Variants in KCNK9 observed in about 807,000 individuals in gnomAD.
The protein encoded by KCNK9 is potassium channel subfamily K member 9.
KCNK9 carries 1 observed loss-of-function variant against 10.8 expected under a neutral mutation model. The ratio of observed to expected loss-of-function variants is 0.09; its 90% confidence interval spans 0.03 to 0.44. The LOEUF (loss-of-function observed/expected upper bound fraction) is 0.44, where lower values mean the gene tolerates loss of function less well. KCNK9 is among the 20% of genes least tolerant of loss of function. The pLI is 0.97. For synonymous variants in KCNK9, 231 were observed against 222.7 expected (o/e 1.04, Z -0.33); for missense variants, 303 against 515.0 (o/e 0.59, Z 3.98).
intron 1 of KCNK9, among the ~76,000 whole-genome samples, chr8:139,672,259 G>A (rs1244896612): frequency 6.6e-6 from 1 of 152,138 alleles, no homozygotes; most frequent in African/African-American, 2.4e-5. Context: ...GCAGGAGCAG[G>A]ACCAGGGGAG....
chr8:139,649,564 T>C (rs563923264), intron 1 of KCNK9, among the ~76,000 whole-genome samples: 2 of 152,228 alleles, frequency 1.3e-5, no homozygotes, highest in East Asian at 1.9e-4. Context: ...ATGCGGTCTT[T>C]CCATGCCCGG....
intron 1 of KCNK9, among the ~76,000 whole-genome samples, chr8:139,660,453 T>A (rs1338900610): frequency 1.2e-4 from 12 of 101,112 alleles, no homozygotes; most frequent in African/African-American, 6.7e-4. Flanking sequence ...AAAAAAAATA[T>A]ATATATATAT....
At chr8:139,682,763 A>G (rs1816717569) in intron 1 of KCNK9, among the ~76,000 whole-genome samples, 2 of 152,208 alleles carry the variant, frequency 1.3e-5, no homozygotes, top group East Asian at 1.9e-4. Context: ...TCAGAAATGC[A>G]TGCAGCTTGG....
intron 1 of KCNK9, among the ~76,000 whole-genome samples, chr8:139,631,067 G>A (rs1815156922): frequency 6.6e-6 from 1 of 152,214 alleles, no homozygotes; most frequent in Admixed American, 6.5e-5. Flanking sequence ...GCACTCGGGC[G>A]ACTGCAGGGA....
At chr8:139,660,447 A>ATATATATATAT (rs34791987) in intron 1 of KCNK9, among the ~76,000 whole-genome samples, 21 of 128,960 alleles carry the variant, frequency 1.6e-4, no homozygotes, top group African/African-American at 4.4e-4. Context: ...CTGCTAAAAA[A>ATATATATATAT]AAATATATAT....
At chr8:139,680,253 G>C (rs1337367545) in intron 1 of KCNK9, among the ~76,000 whole-genome samples, 2 of 152,230 alleles carry the variant, frequency 1.3e-5, no homozygotes, top group African/African-American at 2.4e-5. Context: ...GGGTCTTCTG[G>C]GGGTGGCAGA....
intron 1 of KCNK9, among the ~76,000 whole-genome samples, chr8:139,629,146 T>C (rs1815082138): frequency 6.6e-6 from 1 of 152,274 alleles, no homozygotes; most frequent in Non-Finnish European, 1.5e-5. Flanking sequence ...ATTGGAAGGC[T>C]GAGCCTCGAT....
rs1369540860 is a variant in KCNK9, at chr8:139,618,011, G to GGA, written c.*245_*246dup. ...GGCATAGTCTGCTGGGAAGGAAGGA[G>GGA]GAGATCCATGCTTCATGCTCAGATG... is the stretch of plus-strand genomic sequence containing the variant. On this transcript the variant is annotated 3_prime_UTR_variant, in exon 2 of 2. Coordinates refer to ENST00000520439, the MANE Select transcript of KCNK9 (RefSeq NM_001282534.2). This position sits in a 1 kb window ranked among gnomAD's most constrained non-coding sequence, Gnocchi z 7.9. The GGA allele has an allele frequency of 1.9e-6, 1 of 522,768 alleles. No homozygotes were observed. Among genetic ancestry groups the GGA allele is most frequent in the African/African-American group, 1.9e-5 (1 of 52,266 alleles). 32.4% of individuals were successfully genotyped at this position (522,768 alleles called of 1,614,324 possible). A position where few individuals can be genotyped will look rare whatever the true frequency, so the allele number is the denominator to read the frequency against.
At chr8:139,689,590 C>A (rs1001532982) in intron 1 of KCNK9, among the ~76,000 whole-genome samples, 6 of 151,556 alleles carry the variant, frequency 4.0e-5, no homozygotes, top group Admixed American at 1.3e-4. Flanking sequence ...ATGGCAGTGT[C>A]ATGGCAAAAG....
chr8:139,642,244 G>A (rs981877536), intron 1 of KCNK9, among the ~76,000 whole-genome samples: 10 of 152,124 alleles, frequency 6.6e-5, no homozygotes, highest in South Asian at 2.1e-4. Flanking sequence ...CAGCCTGTGC[G>A]AATGTAGTGG....
chr8:139,676,432 G>C (rs1248148320), intron 1 of KCNK9, among the ~76,000 whole-genome samples: 4 of 152,198 alleles, frequency 2.6e-5, no homozygotes, highest in African/African-American at 9.6e-5. Flanking sequence ...GCTGGGGCTG[G>C]TACAGTGCAG....
At chr8:139,697,662 A>G (rs1416972066) in intron 1 of KCNK9, among the ~76,000 whole-genome samples, 2 of 152,022 alleles carry the variant, frequency 1.3e-5, no homozygotes, top group African/African-American at 4.8e-5. Flanking sequence ...CCCAGGAAAG[A>G]GTAGGTGAGG....
Position 139,699,034 on chromosome 8 carries a change from C to T in KCNK9, c.283+3676G>A, listed in dbSNP as rs118087649. ...AATACTGCCCCTGATGTACGGCTTCCGCTCCTGCAAACTGTAGCAAGAAAA... is the reference window on the plus strand; with the variant it reads ...AATACTGCCCCTGATGTACGGCTTCTGCTCCTGCAAACTGTAGCAAGAAAA... On this transcript the variant is annotated intron_variant, in intron 1 of 1. Coordinates refer to ENST00000520439, the MANE Select transcript of KCNK9 (RefSeq NM_001282534.2). Among the ~76,000 whole-genome samples the T allele has an allele frequency of 1.1e-4, 16 of 152,272 alleles. No individual in the cohort carries two copies. In the East Asian group the frequency reaches 2.5e-3, roughly 24 times the overall value.
chr8:139,671,040 A>T (rs954354013), intron 1 of KCNK9, among the ~76,000 whole-genome samples: 1 of 152,112 alleles, frequency 6.6e-6, no homozygotes, highest in African/African-American at 2.4e-5. Context: ...TACTCCTCCT[A>T]TGGGCTTCCT....
intron 1 of KCNK9, among the ~76,000 whole-genome samples, chr8:139,636,685 T>C (rs886157467): frequency 1.3e-5 from 2 of 152,220 alleles, no homozygotes; most frequent in Admixed American, 1.3e-4. Context: ...ATCAACTTTT[T>C]TGAATTCTGG....
Position 139,655,852 on chromosome 8 carries a change from C to T in KCNK9, c.284-36753G>A, listed in dbSNP as rs78411173. On this transcript the variant is annotated intron_variant, in intron 1 of 1. Transcript: ENST00000520439. ...GGAGAAGACAGGATTCAAGAGAGAA[C>T]TTCTGCCTACAGCGAGGGGGAGACA... 7.4e-3 allele frequency among the ~76,000 whole-genome samples: 1,130 copies of T among 152,304 alleles called. 9 individuals are homozygous for T. Among genetic ancestry groups the T allele is most frequent in the African/African-American group, 0.025 (1,030 of 41,560 alleles).
At chr8:139,628,337 G>A (rs1423733790) in intron 1 of KCNK9, among the ~76,000 whole-genome samples, 8 of 152,226 alleles carry the variant, frequency 5.3e-5, no homozygotes, top group Non-Finnish European at 1.0e-4. Context: ...GCACTGGGCT[G>A]AGTTCAGCCC....
Position 139,618,722 on chromosome 8 carries a change from C to G in KCNK9, c.661G>C (p.Val221Leu). 6.2e-7 allele frequency: 1 copy of G among 1,614,208 alleles called. No individual in the cohort carries two copies. Among genetic ancestry groups the G allele is most frequent in the Non-Finnish European group, 8.5e-7 (1 of 1,180,030 alleles). ...AGGATATACATAAAGCTAAAGGCCACGTAGAGCGGCTTCTTCTGCAGGGCA... is the reference window on the plus strand; with the variant it reads ...AGGATATACATAAAGCTAAAGGCCAGGTAGAGCGGCTTCTTCTGCAGGGCA... Reference protein sequence around the residue: ...KGALQKKPLYVAFSFMYILVG... With the variant: ...KGALQKKPLYLAFSFMYILVG... Residue 221 changes from valine to leucine, a missense_variant, in exon 2 of 2, where the codon GTG (valine) becomes CTG (leucine). By Grantham distance (32) the Val-to-Leu change is conservative. Around this residue, in one of 5 missense-constraint regions of KCNK9, gnomAD observed 53 missense variants for 134.9 expected, o/e 0.39. Coordinates refer to ENST00000520439, the MANE Select transcript of KCNK9 (RefSeq NM_001282534.2). This position sits in a 1 kb window ranked among gnomAD's most constrained non-coding sequence, Gnocchi z 7.9.
At chr8:139,658,733 A>C (rs1816080906) in intron 1 of KCNK9, among the ~76,000 whole-genome samples, 1 of 152,226 alleles carries the variant, frequency 6.6e-6, no homozygotes. Context: ...TTTGCAGCTG[A>C]GAGGCCTGGA....
Sources: gnomAD v4.1 joint callset for allele counts (sites outside exome capture counted in the v4.1 genomes callset) on GRCh38, gnomAD v4.1.1 for gene constraint, gnomAD v4.1.1 regional missense constraint, Gnocchi (gnomAD v3.1) non-coding constraint, MANE v1.5 for transcripts, NCBI Gene and HGNC (gene_info 2026-07-23, HGNC 2026-07-21) for gene names.